Variants in ATP6V1H observed in about 807,000 individuals in gnomAD.
ATP6V1H encodes V-type proton ATPase subunit H.
In ATP6V1H, 39 loss-of-function variants were observed where a neutral mutation model predicts 71.7. The observed-to-expected ratio is 0.54, with a 90% CI of 0.42 to 0.71. The LOEUF is 0.71. Ranked by LOEUF, ATP6V1H falls within the 30% of genes least tolerant of loss-of-function variation. ATP6V1H has a pLI of 0.00. For missense variants in ATP6V1H, 509 were observed against 594.9 expected, an observed-to-expected ratio of 0.86 and a Z score of 1.50; for synonymous variants, 192 against 199.3, an observed-to-expected ratio of 0.96 and a Z score of 0.31.
intron 13 of ATP6V1H, among the ~76,000 whole-genome samples, chr8:53,730,532 C>CT (rs1354021550): frequency 6.6e-6 from 1 of 152,098 alleles, no homozygotes; most frequent in African/African-American, 2.4e-5. Context: ...AACCATGAGT[C>CT]TGAGTACGCA....
chr8:53,795,488 T>G (rs963061225), intron 9 of ATP6V1H, among the ~76,000 whole-genome samples, 159 bp downstream of exon 9: 2 of 152,304 alleles, frequency 1.3e-5, no homozygotes, highest in Middle Eastern at 3.4e-3. Flanking sequence ...GCCCACACCA[T>G]AAATACAAAT....
chr8:53,760,395 A>G (rs1209223497), intron 11 of ATP6V1H, among the ~76,000 whole-genome samples: 2 of 152,220 alleles, frequency 1.3e-5, no homozygotes, highest in Non-Finnish European at 2.9e-5. Context: ...CCCAAGGGAA[A>G]CATCGAGGGA....
At chr8:53,761,890 A>T (rs926009599) in intron 11 of ATP6V1H, among the ~76,000 whole-genome samples, 1 of 152,228 alleles carries the variant, frequency 6.6e-6, no homozygotes, top group Non-Finnish European at 1.5e-5. Context: ...AAGTGAAACA[A>T]AAACAATAAA....
intron 2 of ATP6V1H, among the ~76,000 whole-genome samples, chr8:53,835,760 C>T (rs1811138932): frequency 1.3e-5 from 2 of 152,200 alleles, no homozygotes; most frequent in South Asian, 2.1e-4. Context: ...CTTTCTAGAT[C>T]TCTCTTAGGC....
intron 2 of ATP6V1H, 68 bp from the exon 3 acceptor site, chr8:53,833,154 T>G (rs1361909345): frequency 8.0e-7 from 1 of 1,254,828 alleles, no homozygotes; most frequent in Admixed American, 1.8e-5. Flanking sequence ...TAGAGGAATT[T>G]TCAGTCCTTC....
chr8:53,827,966 T>C (rs920890487), intron 4 of ATP6V1H, among the ~76,000 whole-genome samples: 1 of 152,246 alleles, frequency 6.6e-6, no homozygotes, highest in Admixed American at 6.5e-5. Context: ...GGCCGTATAG[T>C]ATTCCATGGA....
rs200739226 is a variant in ATP6V1H at position 53,782,562 on chromosome 8, T to G, written c.871-10395A>C. 8.3e-3 allele frequency among the ~76,000 whole-genome samples: 1,259 copies of G among 151,462 alleles called. 14 individuals carry two copies. The highest frequency in any genetic ancestry group is 0.029 in the African/African-American group (1,190 of 41,024). ...TTCTCCTGCCTGATTGCCCTGGCCA[T>G]AACTTCCAACACTATGTTGAATAGG... On this transcript the variant is annotated intron_variant, in intron 9 of 13. Coordinates refer to ENST00000359530, the MANE Select transcript of ATP6V1H (RefSeq NM_015941.4).
intron 13 of ATP6V1H, among the ~76,000 whole-genome samples, chr8:53,741,273 A>T (rs2130176505): frequency 6.6e-6 from 1 of 152,304 alleles, no homozygotes; most frequent in African/African-American, 2.4e-5. Context: ...CAACTAAAAA[A>T]TTTCCTCCAC....
intron 12 of ATP6V1H, among the ~76,000 whole-genome samples, chr8:53,748,866 T>C (rs1244994035): frequency 6.6e-6 from 1 of 152,246 alleles, no homozygotes; most frequent in Non-Finnish European, 1.5e-5. Flanking sequence ...GTTTGGTCAA[T>C]AAAAGGTTTG....
chr8:53,765,668 T>C (rs1302471292), intron 11 of ATP6V1H, among the ~76,000 whole-genome samples: 2 of 152,212 alleles, frequency 1.3e-5, no homozygotes, highest in Non-Finnish European at 2.9e-5. Context: ...CGTTCACAAG[T>C]AGAAAGACTC....
chr8:53,783,414 CTATT>C (rs1205257347), intron 9 of ATP6V1H, among the ~76,000 whole-genome samples: 1 of 152,034 alleles, frequency 6.6e-6, no homozygotes, highest in Non-Finnish European at 1.5e-5. Flanking sequence ...TTTATTGTGT[CTATT>C]TGATTCTTCT....
Position 53,833,106 on chromosome 8 carries a change from T to TTGCCA in ATP6V1H, c.114-21_114-20insTGGCA. 1 of 1,590,530 alleles carries TTGCCA rather than the reference T, an allele frequency of 6.3e-7. No homozygotes were observed. Among genetic ancestry groups the TTGCCA allele is most frequent in the East Asian group, 2.2e-5 (1 of 44,540 alleles). On this transcript the variant is annotated intron_variant, in intron 2 of 13. Transcript: ENST00000359530. ...TGTCCCCTAGAAAGTAAGAATAAGA[T>TTGCCA]GTTTTGTTCAGTAAGAGTTGAATAT...
intron 13 of ATP6V1H, among the ~76,000 whole-genome samples, chr8:53,731,043 A>G (rs1806997456): frequency 1.3e-5 from 2 of 152,208 alleles, no homozygotes; most frequent in Admixed American, 6.5e-5. Flanking sequence ...CGCGACTTCA[A>G]AGGATGCCTT....
intron 13 of ATP6V1H, among the ~76,000 whole-genome samples, chr8:53,718,822 T>A (rs908595049): frequency 6.6e-6 from 1 of 152,140 alleles, no homozygotes; most frequent in East Asian, 1.9e-4. Context: ...TAATTTGGAT[T>A]TGGGGGAAGA....
intron 13 of ATP6V1H, among the ~76,000 whole-genome samples, chr8:53,720,641 C>T (rs1308845935): frequency 6.6e-6 from 1 of 152,228 alleles, no homozygotes; most frequent in East Asian, 1.9e-4. Context: ...ATTGAAGACA[C>T]TGACTATAAT....
At chr8:53,763,008 T>C (rs1230625074) in intron 11 of ATP6V1H, among the ~76,000 whole-genome samples, 2 of 152,170 alleles carry the variant, frequency 1.3e-5, no homozygotes, top group Non-Finnish European at 2.9e-5. Flanking sequence ...ATTTTTTCTC[T>C]AGTTTACTTT....
intron 10 of ATP6V1H, among the ~76,000 whole-genome samples, chr8:53,770,183 T>C (rs1216620282): frequency 1.3e-5 from 2 of 152,156 alleles, no homozygotes; most frequent in Non-Finnish European, 2.9e-5. Context: ...TATCATAAAC[T>C]GTAATAATAC....
At chr8:53,742,795 T>G (rs759584122) in intron 13 of ATP6V1H, among the ~76,000 whole-genome samples, 17 of 152,234 alleles carry the variant, frequency 1.1e-4, no homozygotes, top group African/African-American at 1.9e-4. Flanking sequence ...TTGGAAGTGC[T>G]GGTAGCATTA....
intron 12 of ATP6V1H, 71 bp downstream of exon 12, chr8:53,756,484 A>AT: frequency 8.8e-7 from 1 of 1,131,768 alleles, no homozygotes; most frequent in Non-Finnish European, 1.3e-6. Context: ...TCCATTTTAG[A>AT]TAAGTACATT....
Sources: gnomAD v4.1 joint callset for allele counts (sites outside exome capture counted in the v4.1 genomes callset) on GRCh38, gnomAD v4.1.1 for gene constraint, MANE v1.5 for transcripts, NCBI Gene and HGNC (gene_info 2026-07-23, HGNC 2026-07-21) for gene names.